ATP9B: variants seen among roughly 807,000 people sequenced by gnomAD.
ATP9B encodes ATPase phospholipid transporting 9B, also known as probable phospholipid-transporting ATPase IIB.
Under a neutral mutation model 146.1 loss-of-function variants are expected in ATP9B, and 110 were observed. That is an observed-to-expected ratio of 0.75 (90% CI 0.65 to 0.88). The LOEUF (loss-of-function observed/expected upper bound fraction) is 0.88. Among genes scored for constraint, ATP9B ranks in the 40% least tolerant of loss-of-function variants. The pLI, the probability that ATP9B is intolerant of heterozygous loss-of-function variation, is 0.00. For synonymous variants in ATP9B, 604 were observed against 569.7 expected, an observed-to-expected ratio of 1.06 and a Z score of -0.86; for missense variants, 1,499 against 1,496.4, an observed-to-expected ratio of 1.00 and a Z score of -0.03.
intron 8 of ATP9B, among the ~76,000 whole-genome samples, chr18:79,181,668 A>G (rs144358847): frequency 6.6e-6 from 1 of 152,026 alleles, no homozygotes; most frequent in Non-Finnish European, 1.5e-5. Flanking sequence ...ACTAACATTT[A>G]TCTTTTTCAG....
intron 5 of ATP9B, among the ~76,000 whole-genome samples, chr18:79,128,758 G>A (rs1459073026): frequency 6.6e-6 from 1 of 152,148 alleles, no homozygotes; most frequent in African/African-American, 2.4e-5. Context: ...GGCAGAGTTG[G>A]CGGCTCCATA....
At chr18:79,088,216 G>A (rs540486040) in intron 1 of ATP9B, among the ~76,000 whole-genome samples, 7 of 152,268 alleles carry the variant, frequency 4.6e-5, no homozygotes, top group South Asian at 2.1e-4. Context: ...TGCGTTTCCC[G>A]CATTAAACTT....
At chr18:79,156,110 TG>T (rs774136291) in intron 7 of ATP9B, among the ~76,000 whole-genome samples, 3 of 152,182 alleles carry the variant, frequency 2.0e-5, no homozygotes, top group Non-Finnish European at 4.4e-5. Context: ...ACTTACATTG[TG>T]AGATGAATTC....
intron 13 of ATP9B, among the ~76,000 whole-genome samples, chr18:79,293,515 C>T (rs1395765866): frequency 6.6e-6 from 1 of 152,164 alleles, no homozygotes; most frequent in East Asian, 1.9e-4. Flanking sequence ...CTTGAGCCTC[C>T]TCCCATCATG....
At chr18:79,144,107 G>T (rs2094547946) in intron 6 of ATP9B, 2 of 294,822 alleles carry the variant, frequency 6.8e-6, no homozygotes, top group Non-Finnish European at 6.2e-6. Context: ...GCTTAATGTT[G>T]CATTATCAAG....
rs1171558347 is a variant in ATP9B at position 79,372,196 on chromosome 18, CGT to C, written c.3013-628_3013-627del. Among the ~76,000 whole-genome samples the C allele has an allele frequency of 1.0e-4, 5 of 48,896 alleles. No individual in the cohort carries two copies. In the East Asian group the frequency reaches 6.3e-3, roughly 62 times the overall value. 32.1% of individuals were successfully genotyped at this position (48,896 alleles called of 152,430 possible). A position where few individuals can be genotyped will look rare whatever the true frequency, so the allele number is the denominator to read the frequency against. On this transcript the variant is annotated intron_variant, in intron 26 of 29. Transcript: ENST00000426216. The stretch of plus-strand genomic sequence containing the variant: ...AGAGCTCCCCTGCCTCCTGCCCCCT[CGT>C]CCCCTGCCTCCTGCCCCCTCGTCCC...
Position 79,344,314 on chromosome 18 carries a change from A to C in ATP9B, c.2432A>C (p.Lys811Thr). The C allele has an allele frequency of 1.2e-6, 2 of 1,614,230 alleles. No individual in the cohort carries two copies. Among genetic ancestry groups the C allele is most frequent in the Non-Finnish European group, 1.7e-6 (2 of 1,180,048 alleles). The change falls in exon 21 of 30, where the codon AAG (lysine) becomes ACG (threonine). Residue 811 changes from lysine (K) to threonine (T), a missense_variant. Lys to Thr is a moderately conservative substitution (Grantham distance 78, BLOSUM62 -1). Transcript: ENST00000426216. ...AHLELNAFRR[K>T]HDCALVISGD... ...TTGGAGCTGAATGCATTTCGAAGGA[A>C]GCATGATTGTGCACTAGTCATATCT...
intron 15 of ATP9B, among the ~76,000 whole-genome samples, chr18:79,314,596 C>T (rs935649384): frequency 5.9e-5 from 9 of 152,136 alleles, no homozygotes; most frequent in African/African-American, 1.2e-4. Flanking sequence ...TAACTGATTT[C>T]GTATTCATAA....
intron 12 of ATP9B, among the ~76,000 whole-genome samples, chr18:79,276,291 C>T (rs1426646725): frequency 6.6e-6 from 1 of 152,230 alleles, no homozygotes; most frequent in Admixed American, 6.5e-5. Context: ...TGCCTCCAGG[C>T]AAGGTTCTGC....
chr18:79,258,178 A>G (rs1162761504), intron 12 of ATP9B, among the ~76,000 whole-genome samples: 2 of 152,198 alleles, frequency 1.3e-5, no homozygotes, highest in African/African-American at 4.8e-5. Flanking sequence ...TTATAGTAAA[A>G]CAAAATAGAA....
chr18:79,208,544 CAGG>C (rs2095555803), intron 10 of ATP9B, among the ~76,000 whole-genome samples: 1 of 152,126 alleles, frequency 6.6e-6, no homozygotes, highest in South Asian at 2.1e-4. Flanking sequence ...CAACGAACTC[CAGG>C]AGGAGGACAC....
Position 79,344,334 on chromosome 18 carries a change from A to T in ATP9B, c.2452A>T (p.Ile818Leu). ...AAGGAAGCATGATTGTGCACTAGTC[A>T]TATCTGGGGACTCTCTGGAGGTAAG... ...FRRKHDCALV[I>L]SGDSLEVCLK... Residue 818 changes from isoleucine to leucine, a missense_variant, in exon 21 of 30, where the codon ATA becomes TTA. Transcript: ENST00000426216. 1 of 1,614,196 alleles carries T rather than the reference A, an allele frequency of 6.2e-7. No homozygotes were observed. Among genetic ancestry groups the T allele is most frequent in the Non-Finnish European group, 8.5e-7 (1 of 1,180,036 alleles).
intron 13 of ATP9B, among the ~76,000 whole-genome samples, chr18:79,296,654 T>C (rs986443203): frequency 6.6e-6 from 1 of 152,262 alleles, no homozygotes; most frequent in Admixed American, 6.5e-5. Flanking sequence ...AAGTGTTTGA[T>C]TTCTGTTTAC....
chr18:79,224,778 C>T (rs538440928), intron 11 of ATP9B, among the ~76,000 whole-genome samples: 2 of 152,198 alleles, frequency 1.3e-5, no homozygotes, highest in Admixed American at 6.5e-5. Flanking sequence ...CAGAGAGAAA[C>T]CCTCAGTGTC....
chr18:79,176,305 T>C (rs1421956893), intron 7 of ATP9B, among the ~76,000 whole-genome samples: 2 of 152,214 alleles, frequency 1.3e-5, no homozygotes, highest in African/African-American at 4.8e-5. Flanking sequence ...TAGAATATCT[T>C]AGCATGTTTG....
Position 79,081,756 on chromosome 18 carries a change from G to A in ATP9B, c.119+12227G>A, listed in dbSNP as rs192226585. On this transcript the variant is annotated intron_variant, in intron 1 of 29. Coordinates refer to ENST00000426216, the MANE Select transcript of ATP9B (RefSeq NM_198531.5). ...GGACCTCACTCTCTTCTGGCTTGTAGGGTTTCTGCAGAGAGATCTGCTGTT... is the reference window on the plus strand; with the variant it reads ...GGACCTCACTCTCTTCTGGCTTGTAAGGTTTCTGCAGAGAGATCTGCTGTT... Among the ~76,000 whole-genome samples the A allele has an allele frequency of 3.9e-3, 585 of 151,832 alleles. 3 individuals are homozygous for A. The highest frequency in any genetic ancestry group is 0.025 in the South Asian group (118 of 4,792).
chr18:79,269,581 T>G (rs1288185735), intron 12 of ATP9B, among the ~76,000 whole-genome samples: 1 of 152,258 alleles, frequency 6.6e-6, no homozygotes, highest in East Asian at 1.9e-4. Context: ...TATTTTGGTC[T>G]TCTGGCTCTT....
intron 26 of ATP9B, chr18:79,361,796 C>G (rs2096990757): frequency 2.0e-6 from 2 of 985,350 alleles, no homozygotes; most frequent in African/African-American, 3.5e-5. Flanking sequence ...ATCGGGGCAG[C>G]TGGAGACTGG....
At chr18:79,081,100 C>T (rs1487095916) in intron 1 of ATP9B, among the ~76,000 whole-genome samples, 1 of 152,046 alleles carries the variant, frequency 6.6e-6, no homozygotes, top group African/African-American at 2.4e-5. Context: ...TGTGTCTCTG[C>T]CAGGTTTTGT....
Sources: allele counts gnomAD v4.1 joint callset (sites outside exome capture counted in the v4.1 genomes callset), GRCh38; gene constraint gnomAD v4.1.1; transcripts MANE v1.5; gene names NCBI Gene and HGNC (gene_info 2026-07-23, HGNC 2026-07-21).